MBD2: variants seen among roughly 807,000 people sequenced by gnomAD.
MBD2 encodes the protein methyl-CpG binding domain protein 2.
MBD2 carries 9 observed loss-of-function variants against 39.3 expected under a neutral mutation model. The observed-to-expected ratio is 0.23, with a 90% confidence interval of 0.14 to 0.40. The LOEUF is 0.40. Ranked by LOEUF, MBD2 falls within the 10% of genes least tolerant of loss-of-function variation. The pLI is 1.00. For synonymous variants in MBD2, 233 were observed against 211.1 expected, an observed-to-expected ratio of 1.10 and a Z score of -0.90; for missense variants, 458 against 532.6, an observed-to-expected ratio of 0.86 and a Z score of 1.38.
intron 3 of MBD2, among the ~76,000 whole-genome samples, chr18:54,186,889 A>G (rs2086290219): frequency 6.6e-6 from 1 of 152,232 alleles, no homozygotes; most frequent in African/African-American, 2.4e-5. Flanking sequence ...TGGAGGAGAT[A>G]GAACTTTGCT....
intron 5 of MBD2, among the ~76,000 whole-genome samples, chr18:54,163,433 C>T (rs2086110282): frequency 2.0e-5 from 3 of 152,030 alleles, no homozygotes; most frequent in Admixed American, 1.3e-4. Context: ...TTTTAATATA[C>T]TATAATATAA....
At chr18:54,170,663 G>A (rs1168973145) in intron 3 of MBD2, among the ~76,000 whole-genome samples, 2 of 152,134 alleles carry the variant, frequency 1.3e-5, no homozygotes, top group African/African-American at 4.8e-5. Context: ...TCTTGCACTG[G>A]GGATGCTTGG....
At chr18:54,189,329 G>C (rs1212718835) in intron 2 of MBD2, among the ~76,000 whole-genome samples, 1 of 149,394 alleles carries the variant, frequency 6.7e-6, no homozygotes, top group Non-Finnish European at 1.5e-5. Context: ...GTCTGCTTAC[G>C]CCATCCGCCT....
At position 54,224,173 on chromosome 18, in the gene MBD2, G is replaced by C. The variant is rs1399965664; in HGVS notation, c.387C>G (p.Phe129Leu). Residue 129 changes from phenylalanine to leucine, a missense_variant, in exon 1 of 7, where the codon TTC (phenylalanine) becomes TTG (leucine). Phe to Leu is a conservative substitution (Grantham distance 22). Around this residue, in one of 2 missense-constraint regions of MBD2, gnomAD observed 269 missense variants for 236.0 expected, o/e 1.14. Transcript: ENST00000256429. ...GGAPRREPVP[F>L]PSGSAGPGPR... is the part of the protein sequence containing the mutation. ...GCCCCGGCCCCGCGCTCCCCGACGGGAAAGGGACCGGCTCCCGCCGGGGGG... is the reference window on the plus strand; with the variant it reads ...GCCCCGGCCCCGCGCTCCCCGACGGCAAAGGGACCGGCTCCCGCCGGGGGG... 1 of 1,369,958 alleles carries C rather than the reference G, an allele frequency of 7.3e-7. No homozygotes were observed. The highest frequency in any genetic ancestry group is 9.4e-7 in the Non-Finnish European group (1 of 1,058,326). The allele number at this position is 1,369,958 out of a possible 1,614,324, so 84.9% of individuals were successfully genotyped here.
intron 3 of MBD2, among the ~76,000 whole-genome samples, chr18:54,174,324 G>A (rs1251965029): frequency 1.3e-5 from 2 of 152,194 alleles, no homozygotes; most frequent in African/African-American, 2.4e-5. Context: ...AAAGGATAGG[G>A]AAATAGGAGG....
Position 54,224,582 on chromosome 18 carries a change from C to T in MBD2, c.-23G>A. On this transcript the variant is annotated 5_prime_UTR_variant, in exon 1 of 7. Coordinates refer to ENST00000256429, the MANE Select transcript of MBD2 (RefSeq NM_003927.5). Reference sequence around the variant, plus strand: ...CATCCAGCCCCCTCCCCAGCCGGCGCTGCGCTTCTTCCGTAACCGAGCCCT... The same window carrying T: ...CATCCAGCCCCCTCCCCAGCCGGCGTTGCGCTTCTTCCGTAACCGAGCCCT... 8.2e-7 allele frequency: 1 copy of T among 1,223,102 alleles called. No individual in the cohort carries two copies. Among genetic ancestry groups the T allele is most frequent in the South Asian group, 4.1e-5 (1 of 24,290 alleles). The allele number at this position is 1,223,102 out of a possible 1,614,324, so 75.8% of individuals were successfully genotyped here. A position where few individuals can be genotyped will look rare whatever the true frequency, so the allele number is the denominator to read the frequency against.
rs542599063 is a variant in MBD2, at chr18:54,223,977, G to A, written c.542+41C>T. On this transcript the variant is annotated intron_variant, in intron 1 of 6. Transcript: ENST00000256429. ...AGGCCCGCTCTTGACCCCTGACCCC[G>A]GCCTGACCCCGCCACCCCCTCCCCG... 162 of 789,620 alleles carry A rather than the reference G, an allele frequency of 2.1e-4. 1 individual carries two copies. The South Asian group carries it at 2.3e-3, about 11-fold the overall frequency. 48.9% of individuals were successfully genotyped at this position (789,620 alleles called of 1,614,324 possible).
chr18:54,219,850 G>T (rs1002849320), intron 1 of MBD2, among the ~76,000 whole-genome samples: 1 of 152,214 alleles, frequency 6.6e-6, no homozygotes, highest in African/African-American at 2.4e-5. Context: ...GCCCAGGCTG[G>T]AGTGCAGTGG....
chr18:54,215,489 A>ATTTTT (rs1322093635), intron 1 of MBD2, among the ~76,000 whole-genome samples: 2,696 of 139,174 alleles, frequency 0.019, 95 homozygotes, highest in African/African-American at 0.069. Flanking sequence ...CTGAGGATAG[A>ATTTTT]TTTTTTTTTT....
intron 5 of MBD2, among the ~76,000 whole-genome samples, chr18:54,162,682 A>G (rs1004639703): frequency 4.6e-5 from 7 of 152,208 alleles, no homozygotes; most frequent in African/African-American, 1.7e-4. Flanking sequence ...CCCAAGATGG[A>G]AAAGAACTTG....
chr18:54,216,118 A>AT (rs1288943483), intron 1 of MBD2, among the ~76,000 whole-genome samples: 1 of 152,140 alleles, frequency 6.6e-6, no homozygotes, highest in African/African-American at 2.4e-5. Flanking sequence ...TTGAAGATAG[A>AT]TTTTTTTCAA....
chr18:54,195,876 G>A (rs924410788), intron 2 of MBD2, among the ~76,000 whole-genome samples: 9 of 152,070 alleles, frequency 5.9e-5, no homozygotes, highest in African/African-American at 2.2e-4. Context: ...CAGAAATAAA[G>A]CTATCCCCTG....
chr18:54,183,552 C>A (rs1387147793), intron 3 of MBD2, among the ~76,000 whole-genome samples: 3 of 152,064 alleles, frequency 2.0e-5, no homozygotes, highest in Admixed American at 1.3e-4. Flanking sequence ...TAAAGCAGGG[C>A]AAGAAATTTA....
At chr18:54,212,784 C>A (rs2086519757) in intron 1 of MBD2, among the ~76,000 whole-genome samples, 1 of 151,920 alleles carries the variant, frequency 6.6e-6, no homozygotes, top group Non-Finnish European at 1.5e-5. Flanking sequence ...AATTCCAGTA[C>A]TTTGGGAAGC....
intron 1 of MBD2, 35 bp downstream of exon 1, chr18:54,223,980 CTGA>C: frequency 2.1e-6 from 3 of 1,442,632 alleles, no homozygotes; most frequent in South Asian, 1.2e-5. Context: ...TGACCCCGGC[CTGA>C]CCCCGCCACC....
At chr18:54,156,518 G>A (rs2086052504) in intron 6 of MBD2, among the ~76,000 whole-genome samples, 1 of 152,070 alleles carries the variant, frequency 6.6e-6, no homozygotes, top group South Asian at 2.1e-4. Flanking sequence ...CATAAACAAG[G>A]GTATAGCCTG....
At chr18:54,166,799 G>A (rs538491153) in intron 3 of MBD2, among the ~76,000 whole-genome samples, 2 of 152,322 alleles carry the variant, frequency 1.3e-5, no homozygotes, top group East Asian at 3.9e-4. Context: ...ATCATTACGG[G>A]CATCAGTGAG....
At position 54,155,656 on chromosome 18, in the gene MBD2, C is replaced by G. The variant is rs1438629741; in HGVS notation, c.*13-345G>C. Among the ~76,000 whole-genome samples, 4 of 152,176 alleles carry G rather than the reference C, an allele frequency of 2.6e-5. 1 individual carries two copies. The highest frequency in any genetic ancestry group is 6.5e-5 in the Admixed American group (1 of 15,276). Reference sequence around the variant, plus strand: ...TACAAATGAAAAAGCAGAACAGATACAGACCAATCCAAATATATTTTGAGA... The same window carrying G: ...TACAAATGAAAAAGCAGAACAGATAGAGACCAATCCAAATATATTTTGAGA... On this transcript the variant is annotated intron_variant, in intron 6 of 6. Coordinates refer to ENST00000256429, the MANE Select transcript of MBD2 (RefSeq NM_003927.5).
chr18:54,221,341 C>T (rs1408687351), intron 1 of MBD2, among the ~76,000 whole-genome samples: 1 of 151,856 alleles, frequency 6.6e-6, no homozygotes, highest in Admixed American at 6.6e-5. Flanking sequence ...ACCTGTAGTC[C>T]CAGCTACTCG....
Sources: gnomAD v4.1 joint callset for allele counts (sites outside exome capture counted in the v4.1 genomes callset) on GRCh38, gnomAD v4.1.1 for gene constraint, gnomAD v4.1.1 regional missense constraint, MANE v1.5 for transcripts, NCBI Gene and HGNC (gene_info 2026-07-23, HGNC 2026-07-21) for gene names.